COL4A2: variants seen among roughly 807,000 people sequenced by gnomAD.
The protein encoded by COL4A2 is collagen alpha-2(IV) chain.
COL4A2 carries 99 observed loss-of-function variants against 200.2 expected under a neutral mutation model. The observed-to-expected ratio is 0.49, with a 90% CI of 0.42 to 0.58. The LOEUF (loss-of-function observed/expected upper bound fraction) is 0.58. COL4A2 is among the 20% of genes least tolerant of loss of function. The pLI is 0.00. For missense variants in COL4A2, 1,950 were observed against 2,314.1 expected, an observed-to-expected ratio of 0.84 and a Z score of 3.23; for synonymous variants, 897 against 900.6, an observed-to-expected ratio of 1.00 and a Z score of 0.07.
chr13:110,426,574 T>C (rs557487721), intron 6 of COL4A2, among the ~76,000 whole-genome samples: 1 of 152,346 alleles, frequency 6.6e-6, no homozygotes, highest in South Asian at 2.1e-4. Context: ...AGAAGCGATA[T>C]GCAGTAAAAT....
chr13:110,393,057 C>A (rs1050035251), intron 4 of COL4A2, among the ~76,000 whole-genome samples: 1 of 152,190 alleles, frequency 6.6e-6, no homozygotes, highest in African/African-American at 2.4e-5. Context: ...TTGTTGATCT[C>A]CCCCTGGTGT....
At chr13:110,442,377 C>T (rs1044431019) in intron 16 of COL4A2, among the ~76,000 whole-genome samples, 40 of 152,214 alleles carry the variant, frequency 2.6e-4, no homozygotes, top group Admixed American at 8.5e-4. Flanking sequence ...ATGACGCAGC[C>T]GCCGTGCTTG....
At position 110,492,063 on chromosome 13, in the gene COL4A2, C is replaced by T. The variant is rs1239870536; in HGVS notation, c.3455-7C>T. 6.4e-7 allele frequency: 1 copy of T among 1,550,522 alleles called. No homozygotes were observed. Among genetic ancestry groups the T allele is most frequent in the Non-Finnish European group, 8.7e-7 (1 of 1,146,340 alleles). On this transcript the variant is annotated splice_polypyrimidine_tract_variant and splice_region_variant and intron_variant, in intron 37 of 47. Coordinates refer to ENST00000360467, the MANE Select transcript of COL4A2 (RefSeq NM_001846.4). ...GTGCTCAGACTTAATGCTGTGTTCA[C>T]CCCCAGGCTTTCCAGGGCTGACTGG...
At position 110,506,460 on chromosome 13, in the gene COL4A2, G is replaced by T; in HGVS notation, c.4448G>T (p.Gly1483Val). Residue 1483 changes from glycine (G) to valine (V), a missense_variant, in exon 46 of 48, where the codon GGC becomes GTC. By Grantham distance (109) the Gly-to-Val change is moderately radical. This residue lies in a region of COL4A2 where 1,385 missense variants were observed against 1,720.5 expected (regional missense o/e 0.80). Transcript: ENST00000360467. ...AGCCCGGGCCTGCCGGGTATGCCAG[G>T]CCGCAGCGTCAGCATCGGCTACCTC... ...PGSPGLPGMP[G>V]RSVSIGYLLV... The T allele has an allele frequency of 3.1e-6, 5 of 1,612,814 alleles. No individual in the cohort carries two copies. The highest frequency in any genetic ancestry group is 4.2e-6 in the Non-Finnish European group (5 of 1,179,752).
At chr13:110,332,531 A>G (rs1294436253) in intron 3 of COL4A2, among the ~76,000 whole-genome samples, 1 of 152,234 alleles carries the variant, frequency 6.6e-6, no homozygotes, top group Non-Finnish European at 1.5e-5. Flanking sequence ...CTTCTAGAGC[A>G]CTTTTCCTCC....
chr13:110,310,715 T>C (rs4773146), intron 3 of COL4A2, among the ~76,000 whole-genome samples: 150,828 of 152,230 alleles, frequency 0.99, 74,734 homozygotes, highest in East Asian at 1. Flanking sequence ...GGGCTGCCGC[T>C]GGGAGCCCTT....
At chr13:110,462,498 G>C in intron 24 of COL4A2, 114 bp downstream of exon 24, 3 of 932,898 alleles carry the variant, frequency 3.2e-6, no homozygotes, top group African/African-American at 1.6e-5. Context: ...CTGTGCATAG[G>C]ACAGGCTGCT....
intron 3 of COL4A2, among the ~76,000 whole-genome samples, chr13:110,317,157 G>C (rs1431946415): frequency 2.1e-5 from 3 of 144,206 alleles, no homozygotes; most frequent in Non-Finnish European, 4.5e-5. Context: ...CAGACACACA[G>C]ATGCACACAC....
chr13:110,493,080 TGGGTGAAATAACGATGAGTGACACCC>T (rs1883340782), intron 38 of COL4A2, 105 bp from the exon 39 acceptor site: 1 of 223,324 alleles, frequency 4.5e-6, no homozygotes, highest in East Asian at 2.1e-4. Flanking sequence ...GACACCCCCA[TGGGTGAAATAACGATGAGTGACACCC>T]CCATGGGTGA....
At chr13:110,403,464 A>G (rs1879448298) in intron 4 of COL4A2, among the ~76,000 whole-genome samples, 2 of 152,190 alleles carry the variant, frequency 1.3e-5, no homozygotes, top group African/African-American at 2.4e-5. Context: ...GCTTTGTGAC[A>G]AGGATGGCCT....
At chr13:110,385,590 G>A (rs1178802233) in intron 4 of COL4A2, among the ~76,000 whole-genome samples, 8 of 147,980 alleles carry the variant, frequency 5.4e-5, no homozygotes, top group Admixed American at 2.0e-4. Flanking sequence ...TGGATAGGCC[G>A]TGGTTACAGT....
At chr13:110,385,027 G>A (rs1878630526) in intron 4 of COL4A2, among the ~76,000 whole-genome samples, 2 of 152,206 alleles carry the variant, frequency 1.3e-5, no homozygotes, top group African/African-American at 4.8e-5. Context: ...CACTTTGGGA[G>A]GCTGAGGCAG....
In COL4A2 at chr13:110,420,399, T is replaced by C. The variant is rs568406549; in HGVS notation, c.181-4335T>C. Among the ~76,000 whole-genome samples the C allele has an allele frequency of 5.9e-5, 9 of 152,290 alleles. No individual in the cohort carries two copies. The South Asian group carries it at 1.5e-3, about 25-fold the overall frequency. ...TTTCTTAGGAAATAGTACCTCTACATGGTCTGGTGGTGGGAGCAGGGCGGG... is the reference window on the plus strand; with the variant it reads ...TTTCTTAGGAAATAGTACCTCTACACGGTCTGGTGGTGGGAGCAGGGCGGG... On this transcript the variant is annotated intron_variant, in intron 4 of 47. Transcript: ENST00000360467.
intron 3 of COL4A2, among the ~76,000 whole-genome samples, chr13:110,322,759 C>G (rs1259795099): frequency 6.6e-6 from 1 of 152,228 alleles, no homozygotes; most frequent in Non-Finnish European, 1.5e-5. Flanking sequence ...GGGCTGGGAA[C>G]TTGGTTTATT....
chr13:110,384,240 T>A (rs1255238727), intron 4 of COL4A2, among the ~76,000 whole-genome samples: 1 of 152,320 alleles, frequency 6.6e-6, no homozygotes, highest in South Asian at 2.1e-4. Context: ...GAGAAGTACA[T>A]GGAAGACCTG....
intron 45 of COL4A2, among the ~76,000 whole-genome samples, chr13:110,505,262 A>G (rs1420662299): frequency 1.3e-5 from 2 of 152,110 alleles, no homozygotes; most frequent in Non-Finnish European, 2.9e-5. Context: ...AGGCAGGAGA[A>G]TGGCCTCAAC....
At chr13:110,509,189 C>T (rs1883988220) in intron 47 of COL4A2, among the ~76,000 whole-genome samples, 1 of 147,018 alleles carries the variant, frequency 6.8e-6, no homozygotes, top group Non-Finnish European at 1.5e-5. Context: ...TGCATTATAA[C>T]TGTCATAACT....
chr13:110,338,440 G>T (rs1330128965), intron 3 of COL4A2, among the ~76,000 whole-genome samples: 2 of 149,274 alleles, frequency 1.3e-5, no homozygotes, highest in East Asian at 3.9e-4. Flanking sequence ...TGTGTGGGGG[G>T]GGGTGGGGGT....
chr13:110,474,542 G>T (rs1049177602), intron 29 of COL4A2, among the ~76,000 whole-genome samples: 2 of 139,888 alleles, frequency 1.4e-5, no homozygotes, highest in Admixed American at 7.3e-5. Flanking sequence ...AAGATGGCCA[G>T]AGTGCATGCA....
Sources: gnomAD v4.1 joint callset for allele counts (sites outside exome capture counted in the v4.1 genomes callset) on GRCh38, gnomAD v4.1.1 for gene constraint, gnomAD v4.1.1 regional missense constraint, MANE v1.5 for transcripts, NCBI Gene and HGNC (gene_info 2026-07-23, HGNC 2026-07-21) for gene names.